The following TPD52L1 variants were observed in gnomAD, a reference collection of about 807,000 sequenced individuals.
TPD52L1 encodes the protein tumor protein D53.
TPD52L1 carries 18 observed loss-of-function variants against 28.7 expected under a neutral mutation model. The observed-to-expected ratio is 0.63, with a 90% CI of 0.43 to 0.93. The LOEUF (loss-of-function observed/expected upper bound fraction) is 0.93. Ranked by LOEUF, TPD52L1 falls within the 40% of genes least tolerant of loss-of-function variation. The probability of loss-of-function intolerance (pLI) is 0.00; values close to 1 mark genes in which losing one functional copy is unlikely to be tolerated. For missense variants in TPD52L1, 203 were observed against 254.8 expected, an observed-to-expected ratio of 0.80 and a Z score of 1.39; for synonymous variants, 75 against 88.8, an observed-to-expected ratio of 0.84 and a Z score of 0.88.
intron 1 of TPD52L1, among the ~76,000 whole-genome samples, chr6:125,214,762 C>T (rs1207117505): frequency 3.9e-5 from 6 of 152,136 alleles, no homozygotes; most frequent in African/African-American, 1.4e-4. Flanking sequence ...CTTTTAAAAA[C>T]TATTACTCCC....
chr6:125,166,927 A>G (rs77103931), intron 1 of TPD52L1, among the ~76,000 whole-genome samples: 2,290 of 152,204 alleles, frequency 0.015, 58 homozygotes, highest in African/African-American at 0.053. Flanking sequence ...TTAGTCAGAT[A>G]AAGGATTTCG....
intron 6 of TPD52L1, chr6:125,260,148 A>G (rs1797826528): frequency 6.6e-6 from 1 of 152,234 alleles, no homozygotes; most frequent in South Asian, 2.1e-4. Flanking sequence ...CTTCTATTGC[A>G]AAAGAGAATG....
At chr6:125,210,755 T>C (rs1274592048) in intron 1 of TPD52L1, among the ~76,000 whole-genome samples, 1 of 152,214 alleles carries the variant, frequency 6.6e-6, no homozygotes, top group Non-Finnish European at 1.5e-5. Context: ...TAACTGATTA[T>C]TATATGCCAG....
intron 1 of TPD52L1, among the ~76,000 whole-genome samples, chr6:125,156,222 G>A (rs1474448375): frequency 2.2e-4 from 34 of 152,102 alleles, no homozygotes; most frequent in Admixed American, 2.0e-3. Context: ...CCAGCACTTC[G>A]GGAGGCCAAG....
rs80086479 is a variant in TPD52L1 at position 125,253,831 on chromosome 6, T to A, written c.425+76T>A. On this transcript the variant is annotated intron_variant, in intron 5 of 6. Transcript: ENST00000534000. ...GTGTTATTTTATTTATATTTACTTA[T>A]GGGGTTCCTCTGCTTTATGTGAAAG... is the stretch of plus-strand genomic sequence containing the variant. 17,574 of 1,347,152 alleles carry A rather than the reference T, an allele frequency of 0.013. 1,651 individuals are homozygous for A. In the African/African-American group the frequency reaches 0.21, roughly 16 times the overall value. 83.4% of individuals were successfully genotyped at this position (1,347,152 alleles called of 1,614,324 possible). A position where few individuals can be genotyped will look rare whatever the true frequency, so the allele number is the denominator to read the frequency against.
intron 1 of TPD52L1, 121 bp from the exon 2 acceptor site, chr6:125,219,957 T>A: frequency 1.3e-6 from 1 of 756,428 alleles, no homozygotes; most frequent in Non-Finnish European, 2.4e-6. Flanking sequence ...TTTTCTGGAA[T>A]TTTTAGTTGT....
At chr6:125,185,318 A>G (rs1402345781) in intron 1 of TPD52L1, among the ~76,000 whole-genome samples, 1 of 152,186 alleles carries the variant, frequency 6.6e-6, no homozygotes, top group African/African-American at 2.4e-5. Context: ...ACAGAATTTT[A>G]TATAGAATTT....
intron 3 of TPD52L1, 58 bp downstream of exon 3, chr6:125,229,324 G>A: frequency 6.7e-7 from 1 of 1,482,896 alleles, no homozygotes; most frequent in Non-Finnish European, 9.0e-7. Context: ...TCACTCTGTT[G>A]TGTTTTGTTT....
At chr6:125,233,493 A>G (rs962890561) in intron 3 of TPD52L1, among the ~76,000 whole-genome samples, 1 of 152,178 alleles carries the variant, frequency 6.6e-6, no homozygotes, top group Admixed American at 6.5e-5. Context: ...ATGGTTGTTC[A>G]TTCTTTTTAC....
chr6:125,240,143 G>C (rs898553951), intron 3 of TPD52L1, among the ~76,000 whole-genome samples: 1 of 152,018 alleles, frequency 6.6e-6, no homozygotes, highest in African/African-American at 2.4e-5. Flanking sequence ...GTAAGTATTG[G>C]CTTCATTTCT....
chr6:125,228,995 A>T, intron 2 of TPD52L1, 123 bp from the exon 3 acceptor site: 1 of 988,322 alleles, frequency 1.0e-6, no homozygotes, highest in Non-Finnish European at 1.5e-6. Flanking sequence ...TATTTGGCAA[A>T]CCTACACATG....
intron 1 of TPD52L1, among the ~76,000 whole-genome samples, chr6:125,208,441 A>G (rs570338524): frequency 2.6e-4 from 40 of 152,344 alleles, no homozygotes; most frequent in Non-Finnish European, 3.4e-4. Context: ...AACTCTTCCT[A>G]TAAGAAGGAT....
intron 3 of TPD52L1, among the ~76,000 whole-genome samples, chr6:125,232,347 G>T (rs974900988): frequency 6.6e-6 from 1 of 152,128 alleles, no homozygotes; most frequent in African/African-American, 2.4e-5. Context: ...GTTGTTGAGG[G>T]AAGGCAGCGG....
intron 1 of TPD52L1, among the ~76,000 whole-genome samples, chr6:125,197,666 A>G (rs763436962): frequency 2.6e-5 from 4 of 152,186 alleles, no homozygotes; most frequent in Non-Finnish European, 4.4e-5. Flanking sequence ...AATATAAAGT[A>G]CTAATCAGTT....
At chr6:125,252,771 G>A (rs1156349837) in intron 4 of TPD52L1, 1 of 152,174 alleles carries the variant, frequency 6.6e-6, no homozygotes, top group Admixed American at 6.5e-5. Flanking sequence ...CAAGTGTCTA[G>A]GGTAAGACCG....
intron 6 of TPD52L1, among the ~76,000 whole-genome samples, chr6:125,257,676 A>G (rs1158793610): frequency 1.3e-5 from 2 of 152,210 alleles, no homozygotes; most frequent in East Asian, 1.9e-4. Flanking sequence ...CACAAAATGC[A>G]TTTTATAATA....
At chr6:125,204,632 G>A (rs965824684) in intron 1 of TPD52L1, among the ~76,000 whole-genome samples, 4 of 152,018 alleles carry the variant, frequency 2.6e-5, no homozygotes, top group South Asian at 2.1e-4. Context: ...GGCGCCCGCC[G>A]TCACGCCCGG....
At chr6:125,202,051 G>C (rs17052852) in intron 1 of TPD52L1, among the ~76,000 whole-genome samples, 3,036 of 152,264 alleles carry the variant, frequency 0.02, 45 homozygotes, top group Non-Finnish European at 0.031. Flanking sequence ...TCAGGCCCCT[G>C]AATCTGGCTG....
chr6:125,176,863 C>A (rs1166870340), intron 1 of TPD52L1, among the ~76,000 whole-genome samples: 1 of 151,822 alleles, frequency 6.6e-6, no homozygotes, highest in Non-Finnish European at 1.5e-5. Context: ...GTGGTGAAAC[C>A]CCATCTCTAC....
Sources: allele counts gnomAD v4.1 joint callset (sites outside exome capture counted in the v4.1 genomes callset), GRCh38; gene constraint gnomAD v4.1.1; transcripts MANE v1.5; gene names NCBI Gene and HGNC (gene_info 2026-07-23, HGNC 2026-07-21).